The following RSRC1 variants were observed in gnomAD, a reference collection of about 807,000 sequenced individuals.
RSRC1 encodes serine/Arginine-related protein 53.
A neutral mutation model predicts 49.1 loss-of-function variants in RSRC1; 39 were observed. That is an observed-to-expected ratio of 0.79 (90% CI 0.61 to 1.04). The LOEUF (loss-of-function observed/expected upper bound fraction) is 1.04, where lower values mean the gene tolerates loss of function less well. Among genes scored for constraint, RSRC1 ranks in the 50% least tolerant of loss-of-function variants. The pLI is 0.00. For synonymous variants in RSRC1, 143 were observed against 130.8 expected, an observed-to-expected ratio of 1.09 and a Z score of -0.63; for missense variants, 388 against 402.4, an observed-to-expected ratio of 0.96 and a Z score of 0.31.
chr3:158,327,284 T>C (rs1306906205), intron 5 of RSRC1, among the ~76,000 whole-genome samples: 1 of 152,100 alleles, frequency 6.6e-6, no homozygotes, highest in East Asian at 1.9e-4. Flanking sequence ...AGGTTTTGAA[T>C]GTTTGCTCTT....
Position 158,253,104 on chromosome 3 carries a change from T to C in RSRC1, c.495-44935T>C, listed in dbSNP as rs78597256. Reference sequence around the variant, plus strand: ...TTATTTCTTCTCTAATCTTATTTCTTCTACTAATTTGGGGTTTGGTTTGGT... The same window carrying C: ...TTATTTCTTCTCTAATCTTATTTCTCCTACTAATTTGGGGTTTGGTTTGGT... On this transcript the variant is annotated intron_variant, in intron 4 of 9. Coordinates refer to ENST00000611884, the MANE Select transcript of RSRC1 (RefSeq NM_001271838.2). 8.8e-3 allele frequency among the ~76,000 whole-genome samples: 1,342 copies of C among 152,158 alleles called. 83 individuals are homozygous for C. In the East Asian group the frequency reaches 0.14, roughly 16 times the overall value.
chr3:158,457,730 GTT>G (rs1553809960), intron 6 of RSRC1, among the ~76,000 whole-genome samples: 2 of 119,626 alleles, frequency 1.7e-5, no homozygotes, highest in African/African-American at 8.0e-5. Flanking sequence ...TGTGTTTTGT[GTT>G]TTTTTTTGTT....
At chr3:158,378,781 GT>G (rs763774469) in intron 6 of RSRC1, among the ~76,000 whole-genome samples, 32 of 152,088 alleles carry the variant, frequency 2.1e-4, no homozygotes, top group Admixed American at 6.5e-5. Flanking sequence ...AGACCACAGG[GT>G]TTTCTCAGCA....
intron 5 of RSRC1, among the ~76,000 whole-genome samples, chr3:158,322,356 C>A (rs1728811583): frequency 6.6e-6 from 1 of 152,190 alleles, no homozygotes; most frequent in South Asian, 2.1e-4. Context: ...CTTGGCCTCC[C>A]AAAGGGCTGG....
intron 6 of RSRC1, among the ~76,000 whole-genome samples, chr3:158,397,939 A>C (rs1733698601): frequency 6.6e-6 from 1 of 152,126 alleles, no homozygotes; most frequent in Non-Finnish European, 1.5e-5. Flanking sequence ...AAGCTCAGAA[A>C]TAATATGAGG....
intron 3 of RSRC1, among the ~76,000 whole-genome samples, chr3:158,151,921 A>G (rs189177058): frequency 2.0e-5 from 3 of 152,282 alleles, no homozygotes; most frequent in East Asian, 3.9e-4. Flanking sequence ...CATATATTTA[A>G]TATTGTAGAG....
chr3:158,475,278 T>C (rs1201540757), intron 7 of RSRC1, among the ~76,000 whole-genome samples: 1 of 152,074 alleles, frequency 6.6e-6, no homozygotes. Flanking sequence ...ACCTCCTATA[T>C]GCCAGGCATT....
intron 4 of RSRC1, among the ~76,000 whole-genome samples, chr3:158,207,421 A>G (rs769122036): frequency 6.6e-5 from 10 of 152,038 alleles, no homozygotes; most frequent in Non-Finnish European, 1.0e-4. Flanking sequence ...AATTAAGTTT[A>G]TTTTAGTGAT....
rs564946870 is a variant in RSRC1, at chr3:158,383,117, T to TA, written c.583+28216dup. ...AATTATAAATAATGGACAAAAGAGC[T>TA]AAAAAAACTGCAGGAGTCTAGTGAC... On this transcript the variant is annotated intron_variant, in intron 6 of 9. Coordinates refer to ENST00000611884, the MANE Select transcript of RSRC1 (RefSeq NM_001271838.2). Among the ~76,000 whole-genome samples, 710 of 152,220 alleles carry TA rather than the reference T, an allele frequency of 4.7e-3. 2 individuals are homozygous for TA. Among genetic ancestry groups the TA allele is most frequent in the Non-Finnish European group, 7.0e-3 (475 of 68,000 alleles).
intron 6 of RSRC1, among the ~76,000 whole-genome samples, chr3:158,390,611 A>G (rs1733228644): frequency 6.6e-6 from 1 of 152,152 alleles, no homozygotes; most frequent in South Asian, 2.1e-4. Context: ...CTCTTATTTT[A>G]TAATAATCGT....
chr3:158,113,999 A>C (rs1479690142), intron 1 of RSRC1, among the ~76,000 whole-genome samples: 1 of 152,176 alleles, frequency 6.6e-6, no homozygotes, highest in East Asian at 1.9e-4. Context: ...TCTTTAGTTT[A>C]ATTAGATCCC....
chr3:158,479,997 C>T (rs1037477386), intron 7 of RSRC1, among the ~76,000 whole-genome samples: 1 of 152,014 alleles, frequency 6.6e-6, no homozygotes, highest in Non-Finnish European at 1.5e-5. Flanking sequence ...CCATTTAGCA[C>T]ACCCTCAAGT....
chr3:158,161,147 A>G (rs1718192627), intron 3 of RSRC1, among the ~76,000 whole-genome samples: 1 of 152,164 alleles, frequency 6.6e-6, no homozygotes, highest in South Asian at 2.1e-4. Flanking sequence ...ATAGTAAACC[A>G]TTTCAAAACT....
chr3:158,275,073 A>G lies in RSRC1; in HGVS notation c.495-22966A>G, dbSNP rs541386910. 1.4e-4 allele frequency among the ~76,000 whole-genome samples: 21 copies of G among 152,320 alleles called. No individual in the cohort carries two copies. The South Asian group carries it at 2.5e-3, about 18-fold the overall frequency. ...CTCACACTTGAAAGGTATTTATCTA[A>G]TGGCCACTGGCTCACCAGCTTCCCA... is the stretch of plus-strand genomic sequence containing the variant. On this transcript the variant is annotated intron_variant, in intron 4 of 9. Coordinates refer to ENST00000611884, the MANE Select transcript of RSRC1 (RefSeq NM_001271838.2).
At chr3:158,280,866 C>T (rs886535532) in intron 4 of RSRC1, among the ~76,000 whole-genome samples, 3 of 151,936 alleles carry the variant, frequency 2.0e-5, no homozygotes, top group African/African-American at 7.3e-5. Context: ...AGTCTGGTTG[C>T]GAACTCCTGA....
intron 3 of RSRC1, among the ~76,000 whole-genome samples, chr3:158,138,243 G>A (rs1716527564): frequency 6.6e-6 from 1 of 152,192 alleles, no homozygotes; most frequent in Non-Finnish European, 1.5e-5. Context: ...AATCAGCTGA[G>A]TGGATGATCT....
chr3:158,415,804 G>C (rs149497906), intron 6 of RSRC1, among the ~76,000 whole-genome samples: 1 of 151,988 alleles, frequency 6.6e-6, no homozygotes, highest in South Asian at 2.1e-4. Flanking sequence ...ATAAATTATT[G>C]TTATAATTGG....
rs77244683 is a variant in RSRC1 at position 158,131,342 on chromosome 3, T to C, written c.320+7351T>C. Among the ~76,000 whole-genome samples the C allele has an allele frequency of 8.8e-3, 1,339 of 152,256 alleles. 17 individuals are homozygous for C. The highest frequency in any genetic ancestry group is 0.031 in the African/African-American group (1,282 of 41,560). ...CTTTATCTAGTGGGATGATTATGGT[T>C]TATTTTTGAATACATTTTCGTCTTT... On this transcript the variant is annotated intron_variant, in intron 3 of 9. Coordinates refer to ENST00000611884, the MANE Select transcript of RSRC1 (RefSeq NM_001271838.2).
At chr3:158,509,667 TG>T (rs1740048947) in intron 7 of RSRC1, among the ~76,000 whole-genome samples, 1 of 152,208 alleles carries the variant, frequency 6.6e-6, no homozygotes, top group Non-Finnish European at 1.5e-5. Context: ...TACAAGATGT[TG>T]TATTTTACAA....
Sources: gnomAD v4.1 joint callset for allele counts (sites outside exome capture counted in the v4.1 genomes callset) on GRCh38, gnomAD v4.1.1 for gene constraint, MANE v1.5 for transcripts, NCBI Gene and HGNC (gene_info 2026-07-23, HGNC 2026-07-21) for gene names.